COL24A1: variants seen among roughly 807,000 people sequenced by gnomAD.
The protein encoded by COL24A1 is collagen alpha-1(XXIV) chain.
Under a neutral mutation model 253.9 loss-of-function variants are expected in COL24A1, and 224 were observed. That is an observed-to-expected ratio of 0.88 (90% CI 0.79 to 0.99). The LOEUF (loss-of-function observed/expected upper bound fraction) is 0.99. Among genes scored for constraint, COL24A1 ranks in the 50% least tolerant of loss-of-function variants. The probability of loss-of-function intolerance (pLI) is 0.00; values close to 1 mark genes in which losing one functional copy is unlikely to be tolerated. For missense variants in COL24A1, 2,131 were observed against 2,068.5 expected (o/e 1.03, Z -0.59); for synonymous variants, 685 against 673.7 (o/e 1.02, Z -0.26).
chr1:85,978,737 A>T (rs1692944996), intron 20 of COL24A1, among the ~76,000 whole-genome samples: 2 of 152,298 alleles, frequency 1.3e-5, no homozygotes, highest in Admixed American at 6.5e-5. Context: ...TGACACGATA[A>T]TAGTGGGGGA....
chr1:86,035,291 T>A (rs570773660), intron 12 of COL24A1, among the ~76,000 whole-genome samples: 1 of 152,298 alleles, frequency 6.6e-6, no homozygotes, highest in African/African-American at 2.4e-5. Context: ...CTTGCAAATC[T>A]GCAATATATT....
At chr1:85,976,448 C>A (rs887523881) in intron 20 of COL24A1, among the ~76,000 whole-genome samples, 3 of 152,094 alleles carry the variant, frequency 2.0e-5, no homozygotes, top group South Asian at 4.1e-4. Context: ...GCCCAAGAAC[C>A]ACACCCCCTC....
At position 86,128,102 on chromosome 1, in the gene COL24A1, CAA is replaced by C. The variant is rs527428426; in HGVS notation, c.122-1890_122-1889del. On this transcript the variant is annotated intron_variant, in intron 2 of 59. Transcript: ENST00000370571. ...CCTCCAGGAATTTAGGGACATATTT[CAA>C]AGAGGCCCCACATAATCAACAAAAA... Among the ~76,000 whole-genome samples, 29 of 152,110 alleles carry C rather than the reference CAA, an allele frequency of 1.9e-4. No homozygotes were observed. The East Asian group carries it at 5.4e-3, about 28-fold the overall frequency.
intron 39 of COL24A1, among the ~76,000 whole-genome samples, chr1:85,844,301 T>A (rs1352968708): frequency 6.6e-6 from 1 of 152,016 alleles, no homozygotes; most frequent in Non-Finnish European, 1.5e-5. Flanking sequence ...AAAAGAAAGA[T>A]CCTTTAAGAT....
At chr1:86,077,537 G>T (rs559520372) in intron 7 of COL24A1, among the ~76,000 whole-genome samples, 1 of 152,000 alleles carries the variant, frequency 6.6e-6, no homozygotes, top group Non-Finnish European at 1.5e-5. Flanking sequence ...ACACATGCAC[G>T]CATATGTTTA....
intron 37 of COL24A1, among the ~76,000 whole-genome samples, chr1:85,857,140 T>G (rs576928379): frequency 3.3e-5 from 5 of 152,302 alleles, no homozygotes; most frequent in African/African-American, 1.2e-4. Context: ...AGGTATCTTT[T>G]GTAGATATCA....
At position 85,744,693 on chromosome 1, in the gene COL24A1, G is replaced by C; in HGVS notation, c.4645C>G (p.Leu1549Val). ...TCTGATACTTTTTGTTCACAGTTAA[G>C]TAAATCTTTGCAGATTCGTGCTGGG... ...DNPARICKDL[L>V]NCEQKVSDGK... The change falls in exon 57 of 60, where the codon CTT becomes GTT. Residue 1549 changes from leucine to valine, a missense_variant. Leu to Val is a conservative substitution (Grantham distance 32, BLOSUM62 1). Transcript: ENST00000370571. 1.2e-6 allele frequency: 2 copies of C among 1,608,444 alleles called. No individual in the cohort carries two copies. Among genetic ancestry groups the C allele is most frequent in the Admixed American group, 3.4e-5 (2 of 59,378 alleles).
chr1:85,841,979 C>A, intron 41 of COL24A1, 89 bp downstream of exon 41: 2 of 1,132,136 alleles, frequency 1.8e-6, no homozygotes, highest in South Asian at 1.5e-5. Context: ...TTCTTTTATT[C>A]CTTGAAAATT....
At chr1:85,939,305 C>T (rs930600604) in intron 24 of COL24A1, among the ~76,000 whole-genome samples, 4 of 152,150 alleles carry the variant, frequency 2.6e-5, no homozygotes, top group African/African-American at 9.7e-5. Flanking sequence ...TTGATGGACA[C>T]AACAACTATC....
chr1:85,925,814 T>G (rs182993894), intron 24 of COL24A1, among the ~76,000 whole-genome samples: 13 of 152,072 alleles, frequency 8.5e-5, no homozygotes, highest in Middle Eastern at 3.4e-3. Flanking sequence ...AAAGCCAAAA[T>G]AGACAAATGG....
At chr1:85,764,361 C>A (rs1301266514) in intron 53 of COL24A1, among the ~76,000 whole-genome samples, 1 of 151,714 alleles carries the variant, frequency 6.6e-6, no homozygotes, top group Non-Finnish European at 1.5e-5. Context: ...TGAGTGAGCA[C>A]CACAAGTCAT....
At chr1:85,736,294 T>G (rs905889117) in intron 58 of COL24A1, 15 of 456,132 alleles carry the variant, frequency 3.3e-5, no homozygotes, top group Admixed American at 2.1e-4. Context: ...GTTGAGTTTA[T>G]GAATCAAAGA....
At chr1:85,734,692 G>GT in intron 59 of COL24A1, 57 bp downstream of exon 59, 1 of 1,461,780 alleles carries the variant, frequency 6.8e-7, no homozygotes, top group Admixed American at 1.7e-5. Flanking sequence ...TAATTTTATG[G>GT]TTTTATCAAT....
intron 5 of COL24A1, among the ~76,000 whole-genome samples, chr1:86,108,620 T>TAAAAA (rs55852463): frequency 1.4e-4 from 12 of 83,098 alleles, no homozygotes; most frequent in African/African-American, 5.1e-4. Context: ...CCATCTCTAC[T>TAAAAA]AAAAAAAAAA....
intron 19 of COL24A1, among the ~76,000 whole-genome samples, chr1:86,006,030 T>A (rs1025324466): frequency 7.9e-5 from 12 of 152,072 alleles, no homozygotes; most frequent in African/African-American, 2.7e-4. Context: ...AAGTACAAAA[T>A]TTATATGAGG....
chr1:85,832,354 G>A (rs1477055465), intron 43 of COL24A1, among the ~76,000 whole-genome samples: 2 of 152,014 alleles, frequency 1.3e-5, no homozygotes, highest in African/African-American at 2.4e-5. Flanking sequence ...TTGAAGTCAG[G>A]TAGCGTGATG....
At chr1:86,044,948 GTTA>G (rs1699786354) in intron 12 of COL24A1, among the ~76,000 whole-genome samples, 1 of 151,980 alleles carries the variant, frequency 6.6e-6, no homozygotes, top group South Asian at 2.1e-4. Flanking sequence ...ATGCAGATTA[GTTA>G]TTTTTTCTTA....
At chr1:85,915,054 G>T (rs1235271199) in intron 24 of COL24A1, among the ~76,000 whole-genome samples, 1 of 152,198 alleles carries the variant, frequency 6.6e-6, no homozygotes, top group Non-Finnish European at 1.5e-5. Context: ...ATTTCTGAGT[G>T]TATGTTGTTT....
intron 3 of COL24A1, among the ~76,000 whole-genome samples, chr1:86,124,567 C>G (rs1469322989): frequency 2.6e-5 from 4 of 151,734 alleles, no homozygotes; most frequent in Middle Eastern, 3.4e-3. Context: ...TTCAACTGAA[C>G]AAGAAAAACA....
Sources: allele counts gnomAD v4.1 joint callset (sites outside exome capture counted in the v4.1 genomes callset), GRCh38; gene constraint gnomAD v4.1.1; transcripts MANE v1.5; gene names NCBI Gene and HGNC (gene_info 2026-07-23, HGNC 2026-07-21).